The following ADGRL3 variants were observed in gnomAD, a reference collection of about 807,000 sequenced individuals.
ADGRL3 encodes the protein adhesion G protein-coupled receptor L3.
A neutral mutation model predicts 153.5 loss-of-function variants in ADGRL3; 62 were observed. The ratio of observed to expected loss-of-function variants is 0.40; its 90% CI spans 0.33 to 0.50. The LOEUF (loss-of-function observed/expected upper bound fraction) is 0.50, where lower values mean the gene tolerates loss of function less well. ADGRL3 is among the 20% of genes least tolerant of loss of function. The probability of loss-of-function intolerance (pLI) is 0.47; values close to 1 mark genes in which losing one functional copy is unlikely to be tolerated. For synonymous variants in ADGRL3, 710 were observed against 672.5 expected, an observed-to-expected ratio of 1.06 and a Z score of -0.86; for missense variants, 1,641 against 1,859.4, an observed-to-expected ratio of 0.88 and a Z score of 2.16.
chr4:61,234,386 C>T (rs761058292), intron 1 of ADGRL3, among the ~76,000 whole-genome samples: 1 of 152,044 alleles, frequency 6.6e-6, no homozygotes. Context: ...AGACCGGCCC[C>T]CAGGATTCAA....
intron 5 of ADGRL3, among the ~76,000 whole-genome samples, chr4:61,631,301 G>T (rs978841287): frequency 2.6e-5 from 4 of 152,056 alleles, no homozygotes; most frequent in African/African-American, 9.7e-5. Flanking sequence ...ATAATAAAAG[G>T]TTTCTAAGAT....
At chr4:61,440,197 C>T (rs1192896823) in intron 2 of ADGRL3, among the ~76,000 whole-genome samples, 3 of 151,956 alleles carry the variant, frequency 2.0e-5, no homozygotes, top group East Asian at 1.9e-4. Context: ...CACAGGCATG[C>T]GCCACCACAC....
At position 61,477,565 on chromosome 4, in the gene ADGRL3, A is replaced by T. The variant is rs546060247; in HGVS notation, c.-173-19556A>T. 6.6e-5 allele frequency among the ~76,000 whole-genome samples: 10 copies of T among 152,262 alleles called. No individual in the cohort carries two copies. The South Asian group carries it at 1.4e-3, about 22-fold the overall frequency. On this transcript the variant is annotated intron_variant, in intron 2 of 26. Transcript: ENST00000683033. Reference sequence around the variant, plus strand: ...TAAGCAGAAGTTGCTTCCCAATTTCATTGTATATTTTCTTCAGTTTCTCTG... The same window carrying T: ...TAAGCAGAAGTTGCTTCCCAATTTCTTTGTATATTTTCTTCAGTTTCTCTG...
At chr4:61,770,229 CTTTTAAGAT>C (rs2097067469) in intron 8 of ADGRL3, among the ~76,000 whole-genome samples, 1 of 152,116 alleles carries the variant, frequency 6.6e-6, no homozygotes, top group African/African-American at 2.4e-5. Flanking sequence ...ATAGAGGAGG[CTTTTAAGAT>C]TTTTGTTTAT....
intron 1 of ADGRL3, among the ~76,000 whole-genome samples, chr4:61,306,754 C>A (rs983098299): frequency 6.6e-6 from 1 of 152,062 alleles, no homozygotes; most frequent in Non-Finnish European, 1.5e-5. Context: ...ACTATGCAAC[C>A]ACCACCCCAA....
chr4:61,263,162 A>G (rs1443247445), intron 1 of ADGRL3, among the ~76,000 whole-genome samples: 1 of 152,116 alleles, frequency 6.6e-6, no homozygotes, highest in African/African-American at 2.4e-5. Context: ...AACAATTCAT[A>G]TTCAAATTTA....
At chr4:61,812,245 A>T (rs1363461146) in intron 8 of ADGRL3, among the ~76,000 whole-genome samples, 1 of 152,150 alleles carries the variant, frequency 6.6e-6, no homozygotes, top group Non-Finnish European at 1.5e-5. Context: ...ATGGCCAGTG[A>T]ATGTGCAATA....
At chr4:61,505,971 A>C (rs561652341) in intron 3 of ADGRL3, among the ~76,000 whole-genome samples, 1 of 152,240 alleles carries the variant, frequency 6.6e-6, no homozygotes, top group South Asian at 2.1e-4. Context: ...TTTAGGAAGC[A>C]TTGCTTACAT....
At chr4:61,232,492 A>G (rs943799928) in intron 1 of ADGRL3, among the ~76,000 whole-genome samples, 12 of 152,198 alleles carry the variant, frequency 7.9e-5, no homozygotes, top group Admixed American at 5.9e-4. Context: ...TATTTTTAGT[A>G]GAGACAGGGT....
chr4:61,619,516 T>TACACACACAC (rs34015455), intron 5 of ADGRL3, among the ~76,000 whole-genome samples: 3 of 149,436 alleles, frequency 2.0e-5, no homozygotes, highest in Admixed American at 2.0e-4. Flanking sequence ...GAATGTGAGA[T>TACACACACAC]ACACACACAC....
At chr4:62,057,128 A>T (rs1045376364) in intron 25 of ADGRL3, among the ~76,000 whole-genome samples, 3 of 152,094 alleles carry the variant, frequency 2.0e-5, no homozygotes, top group Non-Finnish European at 4.4e-5. Flanking sequence ...CGTTGTTTGA[A>T]TTATGTTTCT....
intron 1 of ADGRL3, among the ~76,000 whole-genome samples, chr4:61,234,031 A>G (rs971729995): frequency 1.3e-5 from 2 of 152,080 alleles, no homozygotes; most frequent in African/African-American, 4.8e-5. Flanking sequence ...TCAATGTAGG[A>G]CATTTCTATC....
chr4:61,571,991 GATAA>G (rs1348149321), intron 4 of ADGRL3, among the ~76,000 whole-genome samples: 2 of 152,142 alleles, frequency 1.3e-5, no homozygotes, highest in Admixed American at 1.3e-4. Context: ...TGAGCAGATA[GATAA>G]ATAAATTGTA....
intron 1 of ADGRL3, among the ~76,000 whole-genome samples, chr4:61,282,635 T>A (rs943595421): frequency 6.6e-6 from 1 of 151,932 alleles, no homozygotes; most frequent in Non-Finnish European, 1.5e-5. Context: ...GATGCTAACT[T>A]TTTTTTACTA....
chr4:61,284,273 C>T (rs1192399190), intron 1 of ADGRL3, among the ~76,000 whole-genome samples: 5 of 151,852 alleles, frequency 3.3e-5, no homozygotes, highest in Admixed American at 3.3e-4. Context: ...GGTAGCAGCT[C>T]ACCATCAGAT....
chr4:61,529,262 C>G (rs568567544), intron 4 of ADGRL3, among the ~76,000 whole-genome samples: 1 of 152,294 alleles, frequency 6.6e-6, no homozygotes, highest in South Asian at 2.1e-4. Flanking sequence ...TCCCAAGCTA[C>G]TTGTCTATCC....
chr4:61,869,755 A>G (rs1244964082), intron 9 of ADGRL3, among the ~76,000 whole-genome samples: 1 of 151,254 alleles, frequency 6.6e-6, no homozygotes, highest in African/African-American at 2.4e-5. Context: ...CCTGACCAAC[A>G]TGGAGAAACC....
chr4:61,705,679 G>C (rs1457036294), intron 6 of ADGRL3, among the ~76,000 whole-genome samples: 2 of 151,586 alleles, frequency 1.3e-5, no homozygotes, highest in East Asian at 3.9e-4. Context: ...TTGTATTTTT[G>C]GTAGAGACAG....
chr4:61,408,488 C>T (rs1365268464), intron 2 of ADGRL3, among the ~76,000 whole-genome samples: 2 of 151,318 alleles, frequency 1.3e-5, no homozygotes, highest in African/African-American at 4.9e-5. Flanking sequence ...TTACTTTGAT[C>T]GTTCCCTGCT....
Sources: allele counts gnomAD v4.1 joint callset (sites outside exome capture counted in the v4.1 genomes callset), GRCh38; gene constraint gnomAD v4.1.1; transcripts MANE v1.5; gene names NCBI Gene and HGNC (gene_info 2026-07-23, HGNC 2026-07-21).